DEPTOR: variants seen among roughly 807,000 people sequenced by gnomAD.
The protein encoded by DEPTOR is DEP domain containing MTOR interacting protein.
Under a neutral mutation model 41.6 loss-of-function variants are expected in DEPTOR, and 41 were observed. The ratio of observed to expected loss-of-function variants is 0.98; its 90% CI spans 0.77 to 1.28. The LOEUF (loss-of-function observed/expected upper bound fraction) is 1.28. Among genes scored for constraint, DEPTOR ranks in the 50% most tolerant of loss-of-function variants. The pLI is 0.00. For missense variants in DEPTOR, 514 were observed against 527.9 expected (o/e 0.97, Z 0.26); for synonymous variants, 195 against 192.3 (o/e 1.01, Z -0.12).
chr8:119,971,705 C>T (rs886258011), intron 4 of DEPTOR, among the ~76,000 whole-genome samples: 2 of 152,082 alleles, frequency 1.3e-5, no homozygotes, highest in Non-Finnish European at 2.9e-5. Flanking sequence ...GGGAGAAGGT[C>T]GGAGACATCG....
At chr8:120,044,460 G>A (rs1813126681) in intron 8 of DEPTOR, among the ~76,000 whole-genome samples, 1 of 152,148 alleles carries the variant, frequency 6.6e-6, no homozygotes, top group Admixed American at 6.5e-5. Flanking sequence ...AGGAACCAAG[G>A]CAGATCTGGG....
At chr8:119,937,536 A>G (rs1294511830) in intron 3 of DEPTOR, among the ~76,000 whole-genome samples, 1 of 152,238 alleles carries the variant, frequency 6.6e-6, no homozygotes, top group Non-Finnish European at 1.5e-5. Flanking sequence ...TAAGATTGCA[A>G]TGTGAGTGGG....
intron 3 of DEPTOR, among the ~76,000 whole-genome samples, chr8:119,955,497 G>A (rs544457169): frequency 2.9e-4 from 43 of 149,418 alleles, no homozygotes; most frequent in Non-Finnish European, 4.1e-4. Context: ...TCAAAGTTTC[G>A]CTGTTATTGC....
At chr8:119,968,244 A>G (rs772596426) in intron 4 of DEPTOR, among the ~76,000 whole-genome samples, 38 of 152,350 alleles carry the variant, frequency 2.5e-4, no homozygotes, top group Admixed American at 6.5e-4. Flanking sequence ...ACTTATTAAT[A>G]AATAAACTCT....
chr8:119,959,509 T>C (rs1325732930), intron 3 of DEPTOR, among the ~76,000 whole-genome samples: 2 of 151,438 alleles, frequency 1.3e-5, no homozygotes, highest in Non-Finnish European at 2.9e-5. Context: ...AGAGGTTTGA[T>C]TTGGGAAAAT....
At chr8:120,044,752 A>G (rs184944449) in intron 8 of DEPTOR, among the ~76,000 whole-genome samples, 50 of 152,326 alleles carry the variant, frequency 3.3e-4, no homozygotes, top group African/African-American at 1.1e-3. Context: ...TTAAGTGTGT[A>G]AAGTACTTGG....
chr8:119,982,421 T>G (rs191820670), intron 4 of DEPTOR, among the ~76,000 whole-genome samples: 1 of 152,200 alleles, frequency 6.6e-6, no homozygotes, highest in African/African-American at 2.4e-5. Flanking sequence ...TTTCCTAAGC[T>G]TTTGATCTTA....
intron 3 of DEPTOR, among the ~76,000 whole-genome samples, chr8:119,936,542 A>G (rs995748498): frequency 2.0e-5 from 3 of 152,328 alleles, no homozygotes; most frequent in Admixed American, 1.3e-4. Context: ...AATTATTCCC[A>G]TTATAAAAAT....
rs867046932 is a variant in DEPTOR, at chr8:119,889,622, G to A, written c.122+15654G>A. On this transcript the variant is annotated intron_variant, in intron 1 of 8. Transcript: ENST00000286234. ...GGGAGGTGGGGAGGGGACGGGAGGG[G>A]AGGGAAGGGAAGGGGAGGGGAGGGG... Among the ~76,000 whole-genome samples, 800 of 97,772 alleles carry A rather than the reference G, an allele frequency of 8.2e-3. 28 individuals are homozygous for A. Among genetic ancestry groups the A allele is most frequent in the African/African-American group, 0.029 (767 of 26,108 alleles). 64.1% of individuals were successfully genotyped at this position (97,772 alleles called of 152,430 possible).
At chr8:119,905,780 C>T (rs1827655343) in intron 1 of DEPTOR, among the ~76,000 whole-genome samples, 2 of 152,014 alleles carry the variant, frequency 1.3e-5, no homozygotes, top group Middle Eastern at 3.4e-3. Context: ...GTAGCTTGGA[C>T]TACAGGAACA....
At chr8:119,932,477 G>A (rs1396669631) in intron 3 of DEPTOR, among the ~76,000 whole-genome samples, 1 of 152,202 alleles carries the variant, frequency 6.6e-6, no homozygotes, top group Non-Finnish European at 1.5e-5. Context: ...CTCATGTTCT[G>A]TTGGATCTCC....
intron 1 of DEPTOR, among the ~76,000 whole-genome samples, chr8:119,913,544 G>A (rs1320648167): frequency 1.3e-5 from 2 of 152,210 alleles, no homozygotes; most frequent in African/African-American, 4.8e-5. Context: ...TCAAGTGAGA[G>A]TGGGATGTGA....
intron 1 of DEPTOR, among the ~76,000 whole-genome samples, chr8:119,916,864 TC>T (rs1220120770): frequency 6.6e-6 from 1 of 152,210 alleles, no homozygotes; most frequent in Non-Finnish European, 1.5e-5. Flanking sequence ...ATTTATTTGG[TC>T]GGTTGTTTGT....
At chr8:119,888,388 A>T (rs1463266435) in intron 1 of DEPTOR, among the ~76,000 whole-genome samples, 1 of 152,144 alleles carries the variant, frequency 6.6e-6, no homozygotes, top group Non-Finnish European at 1.5e-5. Context: ...ACTTGGCAGA[A>T]GTGTCGAAAA....
intron 8 of DEPTOR, among the ~76,000 whole-genome samples, chr8:120,045,500 A>G (rs543581542): frequency 1.3e-5 from 2 of 152,204 alleles, no homozygotes; most frequent in African/African-American, 4.8e-5. Flanking sequence ...TCCCCCAAGT[A>G]GCTGGGACTA....
chr8:119,928,448 C>G lies in DEPTOR; in HGVS notation c.171C>G (p.Leu57=), dbSNP rs752543031. 12 of 1,614,168 alleles carry G rather than the reference C, an allele frequency of 7.4e-6. No homozygotes were observed. Among genetic ancestry groups the G allele is most frequent in the Non-Finnish European group, 9.3e-6 (11 of 1,180,010 alleles). ...TTATTAAAGATAGACGTCATCATCT[C>G]AAGACCTACCCAAACTGTTTTGTCG... ...EKVIKDRRHH[L]KTYPNCFVAK... is the part of the protein sequence containing the mutation. Residue 57 remains leucine, a synonymous_variant, in exon 2 of 9, where the codon CTC becomes CTG. Transcript: ENST00000286234.
rs893094767 is a variant in DEPTOR, at chr8:119,893,074, C to T, written c.122+19106C>T. Among the ~76,000 whole-genome samples the T allele has an allele frequency of 2.0e-5, 3 of 152,094 alleles. 1 individual carries two copies. Among genetic ancestry groups the T allele is most frequent in the South Asian group, 4.1e-4 (2 of 4,820 alleles). Reference sequence around the variant, plus strand: ...CTGGGATTACAGGCATGAGCCACCGCGCCTGGCAGACTTTATTATAATTTA... The same window carrying T: ...CTGGGATTACAGGCATGAGCCACCGTGCCTGGCAGACTTTATTATAATTTA... On this transcript the variant is annotated intron_variant, in intron 1 of 8. Transcript: ENST00000286234.
chr8:119,932,997 G>C (rs1008153074), intron 3 of DEPTOR, among the ~76,000 whole-genome samples: 3 of 151,974 alleles, frequency 2.0e-5, no homozygotes, highest in African/African-American at 7.3e-5. Flanking sequence ...GATGAGACAG[G>C]GCCAGTTCAT....
intron 1 of DEPTOR, among the ~76,000 whole-genome samples, chr8:119,914,776 CA>C (rs558908295): frequency 1.3e-5 from 2 of 152,180 alleles, no homozygotes; most frequent in Non-Finnish European, 2.9e-5. Flanking sequence ...GGGCCCACCC[CA>C]AATCTATTGA....
Sources: allele counts gnomAD v4.1 joint callset (sites outside exome capture counted in the v4.1 genomes callset), GRCh38; gene constraint gnomAD v4.1.1; transcripts MANE v1.5; gene names NCBI Gene and HGNC (gene_info 2026-07-23, HGNC 2026-07-21).